SNTG1: variants seen among roughly 807,000 people sequenced by gnomAD.
SNTG1 encodes the protein gamma-1-syntrophin.
A neutral mutation model predicts 74.7 loss-of-function variants in SNTG1; 39 were observed. That is an observed-to-expected ratio of 0.52 (90% CI 0.40 to 0.68). The LOEUF is 0.68. SNTG1 is among the 30% of genes least tolerant of loss of function. SNTG1 has a pLI of 0.00. For synonymous variants in SNTG1, 254 were observed against 217.1 expected (o/e 1.17, Z -1.49); for missense variants, 685 against 609.5 (o/e 1.12, Z -1.30).
At chr8:50,390,909 C>T (rs1045498366) in intron 2 of SNTG1, among the ~76,000 whole-genome samples, 1 of 152,068 alleles carries the variant, frequency 6.6e-6, no homozygotes, top group African/African-American at 2.4e-5. Context: ...GTGATTTTTG[C>T]ACATTGATTT....
chr8:50,589,044 G>C (rs982675621), intron 12 of SNTG1, among the ~76,000 whole-genome samples: 1 of 151,890 alleles, frequency 6.6e-6, no homozygotes, highest in Non-Finnish European at 1.5e-5. Flanking sequence ...TTCTGATACA[G>C]ATATTCTAAT....
At chr8:50,528,593 T>C (rs2094240757) in intron 9 of SNTG1, among the ~76,000 whole-genome samples, 1 of 151,862 alleles carries the variant, frequency 6.6e-6, no homozygotes, top group African/African-American at 2.4e-5. Flanking sequence ...TTTGCATATG[T>C]CCATAAGAGT....
chr8:50,329,372 C>T (rs372843273), intron 2 of SNTG1, among the ~76,000 whole-genome samples: 23 of 152,170 alleles, frequency 1.5e-4, no homozygotes, highest in African/African-American at 4.1e-4. Flanking sequence ...TCCATGAGGG[C>T]TCCACCCCTG....
At chr8:50,281,767 G>A (rs2088470290) in intron 2 of SNTG1, among the ~76,000 whole-genome samples, 1 of 152,084 alleles carries the variant, frequency 6.6e-6, no homozygotes, top group Admixed American at 6.6e-5. Context: ...TGGTTTCTTT[G>A]CAAATTAAAA....
In SNTG1 at chr8:50,610,410, C is replaced by T. The variant is rs1254381647; in HGVS notation, c.849+19493C>T. On this transcript the variant is annotated intron_variant, in intron 13 of 18. Coordinates refer to ENST00000642720, the MANE Select transcript of SNTG1 (RefSeq NM_018967.5). ...CTTCCTCCCCACTGTGATTTGGGGG[C>T]TCTTTTCTCTGCATGTGCATAGCTT... Among the ~76,000 whole-genome samples the T allele has an allele frequency of 2.0e-5, 3 of 152,104 alleles. 1 individual carries two copies. The East Asian group carries it at 5.8e-4, about 29-fold the overall frequency.
At chr8:50,777,220 T>C (rs1585766509) in intron 18 of SNTG1, among the ~76,000 whole-genome samples, 1 of 118,102 alleles carries the variant, frequency 8.5e-6, no homozygotes. Flanking sequence ...ATGAATAGCA[T>C]ATATATATAT....
At chr8:50,167,718 T>C (rs2082674472) in intron 1 of SNTG1, among the ~76,000 whole-genome samples, 1 of 150,026 alleles carries the variant, frequency 6.7e-6, no homozygotes, top group Admixed American at 6.7e-5. Context: ...GAAGCTGAGA[T>C]GGGAGGATCC....
At chr8:50,183,287 G>A (rs902175847) in intron 2 of SNTG1, among the ~76,000 whole-genome samples, 4 of 152,268 alleles carry the variant, frequency 2.6e-5, no homozygotes, top group Admixed American at 2.6e-4. Context: ...TCACACAGAA[G>A]ATTAATTCCA....
At chr8:50,239,503 T>C (rs1021761054) in intron 2 of SNTG1, among the ~76,000 whole-genome samples, 1 of 152,178 alleles carries the variant, frequency 6.6e-6, no homozygotes. Context: ...ATTCATTTAC[T>C]GTCCATGAGA....
intron 13 of SNTG1, among the ~76,000 whole-genome samples, chr8:50,592,394 T>C (rs2130882235): frequency 6.6e-6 from 1 of 152,286 alleles, no homozygotes; most frequent in East Asian, 1.9e-4. Flanking sequence ...GAGATATTAA[T>C]ATTGGTGTAA....
chr8:50,149,100 T>A (rs1476263795), intron 1 of SNTG1, among the ~76,000 whole-genome samples: 1 of 152,220 alleles, frequency 6.6e-6, no homozygotes, highest in East Asian at 1.9e-4. Flanking sequence ...CTAACTGGTG[T>A]GAGATGGTAT....
chr8:50,236,447 T>TA (rs201987420), intron 2 of SNTG1, among the ~76,000 whole-genome samples: 1 of 127,876 alleles, frequency 7.8e-6, no homozygotes, highest in Non-Finnish European at 1.7e-5. Context: ...TTTTTAATTG[T>TA]AAATTTTTTT....
At chr8:50,023,815 C>T (rs899593785) in intron 1 of SNTG1, among the ~76,000 whole-genome samples, 4 of 152,118 alleles carry the variant, frequency 2.6e-5, no homozygotes, top group Non-Finnish European at 4.4e-5. Flanking sequence ...ACAAAAATGT[C>T]TCAGGTTTCA....
At chr8:50,203,497 A>G (rs2084072132) in intron 2 of SNTG1, among the ~76,000 whole-genome samples, 1 of 152,014 alleles carries the variant, frequency 6.6e-6, no homozygotes, top group Admixed American at 6.6e-5. Flanking sequence ...TGGAGTAGCT[A>G]TTTCTAAGAT....
At chr8:50,369,106 A>G (rs2092202746) in intron 2 of SNTG1, among the ~76,000 whole-genome samples, 1 of 152,174 alleles carries the variant, frequency 6.6e-6, no homozygotes, top group African/African-American at 2.4e-5. Context: ...TGTATTTTGC[A>G]TGTGATAAGA....
intron 1 of SNTG1, among the ~76,000 whole-genome samples, chr8:50,111,462 G>A (rs976737543): frequency 6.6e-6 from 1 of 151,948 alleles, no homozygotes; most frequent in African/African-American, 2.4e-5. Flanking sequence ...TGCACCTACA[G>A]AAGAAAACCA....
At chr8:50,583,761 G>T (rs4873150) in intron 12 of SNTG1, among the ~76,000 whole-genome samples, 11,957 of 147,398 alleles carry the variant, frequency 0.081, 1,087 homozygotes, top group African/African-American at 0.21. Flanking sequence ...CTTCAGATTT[G>T]TTTTTTCTTT....
intron 11 of SNTG1, 134 bp from the exon 12 acceptor site, chr8:50,552,916 C>T: frequency 9.6e-7 from 1 of 1,044,582 alleles, no homozygotes; most frequent in Admixed American, 2.8e-5. Context: ...CTTATAAAGT[C>T]AGGTAACCAA....
At position 50,098,478 on chromosome 8, in the gene SNTG1, C is replaced by T. The variant is rs191152463; in HGVS notation, c.-102-74083C>T. On this transcript the variant is annotated intron_variant, in intron 1 of 18. Coordinates refer to ENST00000642720, the MANE Select transcript of SNTG1 (RefSeq NM_018967.5). ...TAGGATTTTCATTGCATTTGGTATA[C>T]GTAATCTAGAGATAAGTATGCAGGA... Among the ~76,000 whole-genome samples the T allele has an allele frequency of 3.8e-4, 58 of 152,182 alleles. 1 individual carries two copies. The East Asian group carries it at 0.01, about 27-fold the overall frequency.
Sources: allele counts gnomAD v4.1 joint callset (sites outside exome capture counted in the v4.1 genomes callset), GRCh38; gene constraint gnomAD v4.1.1; transcripts MANE v1.5; gene names NCBI Gene and HGNC (gene_info 2026-07-23, HGNC 2026-07-21).